The following AGBL4 variants were observed in gnomAD, a reference collection of about 807,000 sequenced individuals.
The protein encoded by AGBL4 is cytosolic carboxypeptidase 6.
A neutral mutation model predicts 66.4 loss-of-function variants in AGBL4; 58 were observed. The observed-to-expected ratio is 0.87, with a 90% CI of 0.71 to 1.09. The LOEUF (loss-of-function observed/expected upper bound fraction) is 1.09. Ranked by LOEUF, AGBL4 falls within the 50% of genes least tolerant of loss-of-function variation. The pLI, the probability that AGBL4 is intolerant of heterozygous loss-of-function variation, is 0.00. For synonymous variants in AGBL4, 234 were observed against 222.9 expected, an observed-to-expected ratio of 1.05 and a Z score of -0.44; for missense variants, 579 against 631.0, an observed-to-expected ratio of 0.92 and a Z score of 0.88.
intron 4 of AGBL4, among the ~76,000 whole-genome samples, chr1:49,108,662 A>G (rs944830235): frequency 2.0e-5 from 3 of 152,176 alleles, no homozygotes; most frequent in Non-Finnish European, 4.4e-5. Flanking sequence ...TTATTGACAA[A>G]ATAGTGAATG....
chr1:49,787,864 G>C (rs375353052), intron 2 of AGBL4, among the ~76,000 whole-genome samples: 1 of 152,050 alleles, frequency 6.6e-6, no homozygotes, highest in Admixed American at 6.5e-5. Flanking sequence ...TAGAAACCCA[G>C]GGGCCTTTTT....
chr1:48,873,800 T>C (rs1470637020), intron 5 of AGBL4, among the ~76,000 whole-genome samples: 3 of 152,106 alleles, frequency 2.0e-5, no homozygotes, highest in African/African-American at 7.2e-5. Context: ...GACCCAGGAA[T>C]TGGACCACAG....
intron 1 of AGBL4, among the ~76,000 whole-genome samples, chr1:49,970,756 C>A (rs201378018): frequency 1.2e-4 from 16 of 135,560 alleles, no homozygotes; most frequent in Middle Eastern, 3.9e-3. Flanking sequence ...CATACACAAA[C>A]AAAAAAAAAA....
chr1:49,763,191 G>C (rs1399563517), intron 2 of AGBL4, among the ~76,000 whole-genome samples: 1 of 152,124 alleles, frequency 6.6e-6, no homozygotes, highest in Non-Finnish European at 1.5e-5. Flanking sequence ...TTATAGGAGT[G>C]TGTAATTTAT....
At chr1:49,995,431 T>G in intron 1 of AGBL4, 1 of 383,786 alleles carries the variant, frequency 2.6e-6, no homozygotes, top group Non-Finnish European at 5.2e-6. Context: ...ATAATCCCCC[T>G]GAGAACACAA....
intron 9 of AGBL4, among the ~76,000 whole-genome samples, chr1:48,592,692 C>T (rs1325284294): frequency 6.6e-6 from 1 of 152,132 alleles, no homozygotes; most frequent in Non-Finnish European, 1.5e-5. Flanking sequence ...GTAAGGAAAG[C>T]TACAGCTTAT....
At chr1:49,077,771 G>T (rs912921603) in intron 4 of AGBL4, among the ~76,000 whole-genome samples, 12 of 152,086 alleles carry the variant, frequency 7.9e-5, no homozygotes, top group African/African-American at 2.9e-4. Context: ...ATTGTGAAGA[G>T]CTATGGAAGC....
chr1:49,230,516 C>T (rs575098337), intron 4 of AGBL4, among the ~76,000 whole-genome samples: 46 of 152,194 alleles, frequency 3.0e-4, no homozygotes, highest in Middle Eastern at 3.4e-3. Context: ...GTGTCTCATC[C>T]GCTTTGTTTT....
At position 49,080,370 on chromosome 1, in the gene AGBL4, C is replaced by T. The variant is rs561516470; in HGVS notation, c.378-34570G>A. Among the ~76,000 whole-genome samples the T allele has an allele frequency of 7.9e-5, 12 of 152,212 alleles. No homozygotes were observed. In the East Asian group the frequency reaches 2.1e-3, roughly 27 times the overall value. On this transcript the variant is annotated intron_variant, in intron 4 of 13. Coordinates refer to ENST00000371839, the MANE Select transcript of AGBL4 (RefSeq NM_032785.4). Reference sequence around the variant, plus strand: ...CATAAAGAGAAAAGGGAAAGAGGGGCTACCAGGCTCTATAAGCTGAGGCGT... The same window carrying T: ...CATAAAGAGAAAAGGGAAAGAGGGGTTACCAGGCTCTATAAGCTGAGGCGT...
intron 4 of AGBL4, among the ~76,000 whole-genome samples, chr1:49,160,035 T>A (rs1646510814): frequency 6.6e-6 from 1 of 152,180 alleles, no homozygotes; most frequent in Non-Finnish European, 1.5e-5. Flanking sequence ...GAAGAGTTTG[T>A]TATTACACAC....
intron 4 of AGBL4, among the ~76,000 whole-genome samples, chr1:49,083,196 G>A (rs1251168795): frequency 6.6e-6 from 1 of 152,114 alleles, no homozygotes; most frequent in African/African-American, 2.4e-5. Flanking sequence ...ACCATTCTGG[G>A]GTCTGGAGGA....
chr1:49,968,593 T>C (rs1657772522), intron 1 of AGBL4, among the ~76,000 whole-genome samples: 1 of 152,188 alleles, frequency 6.6e-6, no homozygotes, highest in South Asian at 2.1e-4. Flanking sequence ...ACTAAAATAT[T>C]TATTTCCCAG....
At chr1:48,650,670 G>A (rs1645914575) in intron 8 of AGBL4, among the ~76,000 whole-genome samples, 1 of 152,166 alleles carries the variant, frequency 6.6e-6, no homozygotes, top group South Asian at 2.1e-4. Flanking sequence ...CAGTGTGTGA[G>A]TGCTTCACAG....
intron 9 of AGBL4, among the ~76,000 whole-genome samples, chr1:48,625,460 G>C (rs905815969): frequency 6.6e-6 from 1 of 152,208 alleles, no homozygotes; most frequent in African/African-American, 2.4e-5. Flanking sequence ...CCTTAATAGA[G>C]TTACAGTGTG....
At chr1:49,846,760 C>T (rs187407212) in intron 2 of AGBL4, among the ~76,000 whole-genome samples, 10 of 151,996 alleles carry the variant, frequency 6.6e-5, no homozygotes, top group South Asian at 6.2e-4. Context: ...CTGCAAAACA[C>T]GGATGAAAAA....
intron 3 of AGBL4, among the ~76,000 whole-genome samples, chr1:49,588,257 ACT>A (rs1452202581): frequency 6.6e-6 from 1 of 152,152 alleles, no homozygotes; most frequent in Non-Finnish European, 1.5e-5. Context: ...TTGTGCCCAC[ACT>A]GTCCTCTGTA....
chr1:49,717,594 G>C (rs967429509), intron 2 of AGBL4, among the ~76,000 whole-genome samples: 1 of 151,722 alleles, frequency 6.6e-6, no homozygotes, highest in African/African-American at 2.4e-5. Flanking sequence ...ACCTGCCCTA[G>C]TTTTCCCACA....
At chr1:49,332,951 C>T (rs1645363041) in intron 3 of AGBL4, among the ~76,000 whole-genome samples, 1 of 152,178 alleles carries the variant, frequency 6.6e-6, no homozygotes, top group Non-Finnish European at 1.5e-5. Context: ...TTTTAATGAT[C>T]GCCATACTAA....
chr1:49,530,028 G>C (rs937622052), intron 3 of AGBL4, among the ~76,000 whole-genome samples: 2 of 151,648 alleles, frequency 1.3e-5, no homozygotes, highest in Admixed American at 6.6e-5. Context: ...ACACAGTAGG[G>C]CTCAGTAAAT....
Sources: gnomAD v4.1 joint callset for allele counts (sites outside exome capture counted in the v4.1 genomes callset) on GRCh38, gnomAD v4.1.1 for gene constraint, MANE v1.5 for transcripts, NCBI Gene and HGNC (gene_info 2026-07-23, HGNC 2026-07-21) for gene names.